The following DCDC2C variants were observed in gnomAD, a reference collection of about 807,000 sequenced individuals.
The protein encoded by DCDC2C is doublecortin domain containing 2C, also known as doublecortin domain-containing protein 2C.
Under a neutral mutation model 45.0 loss-of-function variants are expected in DCDC2C, and 44 were observed. The observed-to-expected ratio is 0.98, with a 90% CI of 0.77 to 1.26. The LOEUF (loss-of-function observed/expected upper bound fraction) is 1.26. Ranked by LOEUF, DCDC2C falls within the 50% of genes most tolerant of loss-of-function variation. DCDC2C has a pLI of 0.00. For synonymous variants in DCDC2C, 187 were observed against 178.8 expected (o/e 1.05, Z -0.37); for missense variants, 447 against 468.9 (o/e 0.95, Z 0.43).
chr2:3,791,116 A>AAG (rs1047518915), intron 10 of DCDC2C, among the ~76,000 whole-genome samples: 3 of 152,138 alleles, frequency 2.0e-5, no homozygotes, highest in Non-Finnish European at 4.4e-5. Context: ...CTCAAAAAAA[A>AAG]AGAAAATTTT....
At chr2:3,764,902 G>A (rs1669974578) in intron 6 of DCDC2C, among the ~76,000 whole-genome samples, 1 of 152,192 alleles carries the variant, frequency 6.6e-6, no homozygotes, top group African/African-American at 2.4e-5. Flanking sequence ...ATTGGAATAT[G>A]GATGGTAGAA....
chr2:3,791,525 A>G (rs1218684639), intron 10 of DCDC2C, among the ~76,000 whole-genome samples: 1 of 152,256 alleles, frequency 6.6e-6, no homozygotes, highest in Admixed American at 6.5e-5. Context: ...TAGCAAGTGA[A>G]CAAAGATCAG....
intron 10 of DCDC2C, among the ~76,000 whole-genome samples, chr2:3,788,765 TCCTTTCTTCCGTTTC>T (rs1204568150): frequency 2.8e-5 from 4 of 142,130 alleles, no homozygotes; most frequent in African/African-American, 1.0e-4. Context: ...ATGTTTTTCT[TCCTTTCTTCCGTTTC>T]CCTTTCTTCC....
chr2:3,740,331 G>A (rs1319158889), intron 3 of DCDC2C, among the ~76,000 whole-genome samples: 4 of 152,162 alleles, frequency 2.6e-5, no homozygotes, highest in Non-Finnish European at 5.9e-5. Flanking sequence ...TTCATGGTGT[G>A]GGATGACTGG....
intron 9 of DCDC2C, among the ~76,000 whole-genome samples, chr2:3,782,881 G>T (rs1670554350): frequency 6.6e-6 from 1 of 152,224 alleles, no homozygotes; most frequent in African/African-American, 2.4e-5. Flanking sequence ...AGTTTGTAAA[G>T]CAATGCGTAA....
In DCDC2C at chr2:3,703,985, G is replaced by A; in HGVS notation, c.234G>A (p.Leu78=). ...RGHRVLGLDA[L]QAGGKYVAAG... ...ACCGGGTGCTGGGGCTGGACGCGCTGCAGGCGGGCGGCAAGTACGTGGCGG... is the reference window on the plus strand; with the variant it reads ...ACCGGGTGCTGGGGCTGGACGCGCTACAGGCGGGCGGCAAGTACGTGGCGG... Residue 78 remains leucine, a synonymous_variant, in exon 1 of 11, where the codon CTG becomes CTA. Transcript: ENST00000399143. The surrounding 1 kb of genome is among the most constrained non-coding windows in gnomAD (Gnocchi z 4.4). 1 of 1,297,750 alleles carries A rather than the reference G, an allele frequency of 7.7e-7. No individual in the cohort carries two copies. Among genetic ancestry groups the A allele is most frequent in the South Asian group, 2.2e-5 (1 of 44,646 alleles). 80.4% of individuals were successfully genotyped at this position (1,297,750 alleles called of 1,614,324 possible). A position where few individuals can be genotyped will look rare whatever the true frequency, so the allele number is the denominator to read the frequency against.
At chr2:3,783,702 G>A (rs546796710) in intron 9 of DCDC2C, among the ~76,000 whole-genome samples, 4 of 152,244 alleles carry the variant, frequency 2.6e-5, no homozygotes, top group Non-Finnish European at 5.9e-5. Context: ...TGGAGGTAGC[G>A]TGGGGCATCG....
At chr2:3,718,191 G>A (rs1668397720) in intron 2 of DCDC2C, among the ~76,000 whole-genome samples, 1 of 152,218 alleles carries the variant, frequency 6.6e-6, no homozygotes, top group Non-Finnish European at 1.5e-5. Flanking sequence ...GAATGAAGCA[G>A]TGATTGAGTA....
chr2:3,760,114 T>A (rs1669839584), intron 6 of DCDC2C, among the ~76,000 whole-genome samples: 1 of 152,260 alleles, frequency 6.6e-6, no homozygotes, highest in African/African-American at 2.4e-5. Flanking sequence ...TCATCAGACT[T>A]CCTTCCAAGG....
intron 8 of DCDC2C, among the ~76,000 whole-genome samples, chr2:3,774,009 C>G (rs1432710901): frequency 6.6e-6 from 1 of 152,244 alleles, no homozygotes; most frequent in East Asian, 1.9e-4. Flanking sequence ...GCCCCCTGCA[C>G]TGTGCCTCCA....
At chr2:3,780,897 G>T (rs1471320490) in intron 9 of DCDC2C, among the ~76,000 whole-genome samples, 1 of 152,198 alleles carries the variant, frequency 6.6e-6, no homozygotes. Flanking sequence ...AACCTTGCTG[G>T]TTATTTATAT....
intron 10 of DCDC2C, among the ~76,000 whole-genome samples, chr2:3,813,069 T>TATATATATATATATATATA (rs1558238816): frequency 1.8e-5 from 1 of 54,928 alleles, no homozygotes. Context: ...ATATATATAT[T>TATATATATATATATATATA]TTTTTTTTTT....
Position 3,746,620 on chromosome 2 carries a change from C to T in DCDC2C, c.545+4572C>T, listed in dbSNP as rs944259319. ...TGTCCGTTGAGTATATACTCTGCAC[C>T]GTACACTATTCTAGGAGCCGGGAGG... On this transcript the variant is annotated intron_variant, in intron 4 of 10. Coordinates refer to ENST00000399143, the MANE Select transcript of DCDC2C (RefSeq NM_001287444.2). Among the ~76,000 whole-genome samples the T allele has an allele frequency of 5.9e-5, 9 of 152,320 alleles. No homozygotes were observed. In the South Asian group the frequency reaches 8.3e-4, roughly 14 times the overall value.
At chr2:3,777,113 G>A (rs1670364092) in intron 8 of DCDC2C, among the ~76,000 whole-genome samples, 1 of 152,226 alleles carries the variant, frequency 6.6e-6, no homozygotes, top group Non-Finnish European at 1.5e-5. Flanking sequence ...CTGAAGCTCA[G>A]CGCTTCTTCC....
intron 9 of DCDC2C, among the ~76,000 whole-genome samples, chr2:3,780,434 G>A (rs77703343): frequency 0.11 from 16,795 of 152,206 alleles, 1,107 homozygotes; most frequent in East Asian, 0.29. Context: ...GGATCCATGC[G>A]TATTAGTGAC....
rs139347753 is a variant in DCDC2C, at chr2:3,782,078, TC to T, written c.1024-2977del. 7.3e-3 allele frequency among the ~76,000 whole-genome samples: 1,113 copies of T among 152,238 alleles called. 14 individuals are homozygous for T. Among genetic ancestry groups the T allele is most frequent in the African/African-American group, 0.026 (1,069 of 41,534 alleles). On this transcript the variant is annotated intron_variant, in intron 9 of 10. Transcript: ENST00000399143. ...ATGGTCTGGTTCCAACACCTTTTCG[TC>T]CCCTCACACCGAAACTCTGTGCCAC... is the stretch of plus-strand genomic sequence containing the variant.
chr2:3,837,323 GC>G (rs1672107288), intron 10 of DCDC2C, among the ~76,000 whole-genome samples: 1 of 152,214 alleles, frequency 6.6e-6, no homozygotes, highest in Non-Finnish European at 1.5e-5. Flanking sequence ...CTTGTATTTG[GC>G]CAAATGGAAG....
intron 10 of DCDC2C, among the ~76,000 whole-genome samples, chr2:3,820,340 A>G (rs1047128075): frequency 6.6e-6 from 1 of 152,222 alleles, no homozygotes; most frequent in Admixed American, 6.5e-5. Flanking sequence ...TTTTGAGAAC[A>G]CAGGCTAAGG....
At chr2:3,812,773 A>G (rs976456821) in intron 10 of DCDC2C, among the ~76,000 whole-genome samples, 7 of 151,934 alleles carry the variant, frequency 4.6e-5, no homozygotes, top group Admixed American at 4.6e-4. Flanking sequence ...AGTCTGGTAC[A>G]TTTCCTCTTT....
Sources: gnomAD v4.1 joint callset for allele counts (sites outside exome capture counted in the v4.1 genomes callset) on GRCh38, gnomAD v4.1.1 for gene constraint, Gnocchi (gnomAD v3.1) non-coding constraint, MANE v1.5 for transcripts, NCBI Gene and HGNC (gene_info 2026-07-23, HGNC 2026-07-21) for gene names.